The following NPHP4 variants were observed in gnomAD, a reference collection of about 807,000 sequenced individuals.
NPHP4 encodes the protein nephrocystin-4.
In NPHP4, 151 loss-of-function variants were observed where a neutral mutation model predicts 155.8. That is an observed-to-expected ratio of 0.97 (90% CI 0.85 to 1.11). The LOEUF is 1.11. NPHP4 is among the 50% of genes least tolerant of loss of function. NPHP4 has a pLI of 0.00. For synonymous variants in NPHP4, 845 were observed against 816.8 expected (o/e 1.03, Z -0.59); for missense variants, 1,956 against 1,925.7 (o/e 1.02, Z -0.29).
intron 18 of NPHP4, among the ~76,000 whole-genome samples, chr1:5,885,838 C>T (rs948435290): frequency 4.6e-5 from 7 of 152,096 alleles, no homozygotes; most frequent in Admixed American, 3.9e-4. Context: ...TTCCAAAAAA[C>T]GCAGAACTGA....
rs371819898 is a variant in NPHP4, at chr1:5,927,714, G to A, written c.1376C>T (p.Thr459Met). Reference sequence around the variant, plus strand: ...CACTTTGGGGCCACTGACAGGCTCCGTGGGTGCATCCAGGTGTTCTTCTGA... The same window carrying A: ...CACTTTGGGGCCACTGACAGGCTCCATGGGTGCATCCAGGTGTTCTTCTGA... ...LGSEEHLDAP[T>M]EPVSGPKVER... The change falls in exon 11 of 30, where the codon ACG becomes ATG. Residue 459 changes from threonine (T) to methionine (M), a missense_variant. Physicochemically the swap from Thr to Met is moderately conservative, Grantham distance 81. Transcript: ENST00000378156. The A allele has an allele frequency of 1.7e-5, 28 of 1,613,410 alleles. No homozygotes were observed. The highest frequency in any genetic ancestry group is 1.6e-4 in the Middle Eastern group (1 of 6,084).
In NPHP4 at chr1:5,948,182, C is replaced by A; in HGVS notation, c.880G>T (p.Gly294Cys). ...TGCGGCCTCTGCACGAAGCCCAGAC[C>A]ATTGTGCACGCCCACACGCAGGCGC... ...ERRLRVGVHN[G>C]LGFVQRPQVV... Residue 294 changes from glycine (G) to cysteine (C), a missense_variant, in exon 8 of 30, where the codon GGT (glycine) becomes TGT (cysteine). Physicochemically the swap from Gly to Cys is radical, Grantham distance 159. Coordinates refer to ENST00000378156, the MANE Select transcript of NPHP4 (RefSeq NM_015102.5). 6.2e-7 allele frequency: 1 copy of A among 1,612,282 alleles called. No individual in the cohort carries two copies. The highest frequency in any genetic ancestry group is 8.5e-7 in the Non-Finnish European group (1 of 1,179,524).
In NPHP4 at chr1:5,877,357, G is replaced by GA. The variant is rs1642725858; in HGVS notation, c.2612-60dup. 5 of 1,449,632 alleles carry GA rather than the reference G, an allele frequency of 3.4e-6. No individual in the cohort carries two copies. The South Asian group carries it at 6.7e-5, about 20-fold the overall frequency. The allele number at this position is 1,449,632 out of a possible 1,614,324, so 89.8% of individuals were successfully genotyped here. A position where few individuals can be genotyped will look rare whatever the true frequency, so the allele number is the denominator to read the frequency against. ...GTGCAGTGTCTGCCTTCCAGGAGCAGACACCAGGGCAGGCCTCCCAGGACC... is the reference window on the plus strand; with the variant it reads ...GTGCAGTGTCTGCCTTCCAGGAGCAGAACACCAGGGCAGGCCTCCCAGGACC... On this transcript the variant is annotated intron_variant, in intron 19 of 29. Transcript: ENST00000378156.
intron 5 of NPHP4, among the ~76,000 whole-genome samples, chr1:5,966,429 T>G (rs1651512778): frequency 6.6e-6 from 1 of 152,088 alleles, no homozygotes; most frequent in African/African-American, 2.4e-5. Flanking sequence ...GTATTTTTTA[T>G]AGAGACAGGT....
intron 3 of NPHP4, among the ~76,000 whole-genome samples, chr1:5,975,707 T>A (rs1455428905): frequency 1.3e-5 from 2 of 152,188 alleles, no homozygotes; most frequent in Non-Finnish European, 2.9e-5. Flanking sequence ...CACATCTGAA[T>A]TGTGAACTGC....
At chr1:5,924,440 G>A (rs1299390185) in intron 11 of NPHP4, among the ~76,000 whole-genome samples, 7 of 152,074 alleles carry the variant, frequency 4.6e-5, no homozygotes, top group Non-Finnish European at 8.8e-5. Context: ...GGCAAGCAGA[G>A]GCAGTGGCAG....
In NPHP4 at chr1:5,865,171, G is replaced by GGACA; in HGVS notation, c.3743_3746dup (p.Leu1250ValfsTer49). The GGACA allele has an allele frequency of 6.2e-7, 1 of 1,613,190 alleles. No homozygotes were observed. Among genetic ancestry groups the GGACA allele is most frequent in the South Asian group, 1.1e-5 (1 of 91,068 alleles). ...CTGTCTGTGTCCCCCGAAGGACAAG[G>GGACA]GACAGGCGGGTCAGCTGGCCTGCGA... On this transcript the variant is annotated frameshift_variant, in exon 27 of 30. Coordinates refer to ENST00000378156, the MANE Select transcript of NPHP4 (RefSeq NM_015102.5). LOFTEE classifies it high-confidence loss of function.
At chr1:5,964,768 C>T (rs1432594447) in intron 5 of NPHP4, among the ~76,000 whole-genome samples, 2 of 151,114 alleles carry the variant, frequency 1.3e-5, no homozygotes, top group African/African-American at 4.9e-5. Flanking sequence ...AGTGACAGAT[C>T]CACAAGAACC....
At position 5,986,293 on chromosome 1, in the gene NPHP4, G is replaced by A; in HGVS notation, c.-4C>T. On this transcript the variant is annotated 5_prime_UTR_variant, in exon 2 of 30. Transcript: ENST00000378156. ...AGATCCTGTGCCAGTCGTTCATCCT[G>A]CCCGCCTGAGGGTCCCGTGGGCTTC... The A allele has an allele frequency of 6.2e-7, 1 of 1,613,220 alleles. No individual in the cohort carries two copies. The highest frequency in any genetic ancestry group is 8.5e-7 in the Non-Finnish European group (1 of 1,179,582).
In NPHP4 at chr1:5,927,713, C is replaced by T. The variant is rs769077319; in HGVS notation, c.1377G>A (p.Thr459=). The change falls in exon 11 of 30, where the codon ACG becomes ACA. Residue 459 remains threonine, a synonymous_variant. Coordinates refer to ENST00000378156, the MANE Select transcript of NPHP4 (RefSeq NM_015102.5). The stretch of plus-strand genomic sequence containing the variant: ...CCACTTTGGGGCCACTGACAGGCTC[C>T]GTGGGTGCATCCAGGTGTTCTTCTG... ...LGSEEHLDAP[T]EPVSGPKVER... 1.2e-5 allele frequency: 20 copies of T among 1,613,406 alleles called. No homozygotes were observed. Among genetic ancestry groups the T allele is most frequent in the Middle Eastern group, 1.6e-4 (1 of 6,084 alleles).
rs1641224087 is a variant in NPHP4 at position 5,866,358 on chromosome 1, A to T, written c.3644+15T>A. On this transcript the variant is annotated intron_variant, in intron 26 of 29. Transcript: ENST00000378156. Reference sequence around the variant, plus strand: ...TCCGCCACCGCCTCCAGGTCCCCAAAGCCTGTGCACTTACGAGTAAATGAT... The same window carrying T: ...TCCGCCACCGCCTCCAGGTCCCCAATGCCTGTGCACTTACGAGTAAATGAT... 1 of 1,568,242 alleles carries T rather than the reference A, an allele frequency of 6.4e-7. No individual in the cohort carries two copies. The highest frequency in any genetic ancestry group is 8.7e-7 in the Non-Finnish European group (1 of 1,144,008).
rs762383978 is a variant in NPHP4, at chr1:5,978,275, T to G, written c.274A>C (p.Asn92His). Residue 92 changes from asparagine (N) to histidine (H), a missense_variant, in exon 3 of 30, where the codon AAT (asparagine) becomes CAT (histidine). Transcript: ENST00000378156. ...CCACCATCACCAGGGCCCACCTCAT[T>G]AAAGACGATCCTGGACGGCGGTCTC... is the stretch of plus-strand genomic sequence containing the variant. ...TKRPPSRIVF[N>H]EPLYFHTSLN... is the part of the protein sequence containing the mutation. 6.2e-7 allele frequency: 1 copy of G among 1,606,006 alleles called. No individual in the cohort carries two copies.
At chr1:5,955,456 T>C (rs1384548491) in intron 6 of NPHP4, among the ~76,000 whole-genome samples, 1 of 152,254 alleles carries the variant, frequency 6.6e-6, no homozygotes, top group Non-Finnish European at 1.5e-5. Flanking sequence ...GCAGCACTAT[T>C]CACAACAGTG....
rs2100454004 is a variant in NPHP4 at position 5,867,190 on chromosome 1, C to T, written c.3473-75G>A. 9.0e-7 allele frequency: 1 copy of T among 1,114,306 alleles called. No individual in the cohort carries two copies. Among genetic ancestry groups the T allele is most frequent in the African/African-American group, 1.5e-5 (1 of 64,748 alleles). The allele number at this position is 1,114,306 out of a possible 1,614,324, so 69.0% of individuals were successfully genotyped here. A position where few individuals can be genotyped will look rare whatever the true frequency, so the allele number is the denominator to read the frequency against. On this transcript the variant is annotated intron_variant, in intron 24 of 29. Transcript: ENST00000378156. The surrounding 1 kb of genome is among the most constrained non-coding windows in gnomAD (Gnocchi z 4.1). ...TGTGGAGAAGGCCCCACACATTACA[C>T]ACTATAGGACAGGACAGGCTCGTCA...
At chr1:5,925,425 A>C (rs147083055) in intron 11 of NPHP4, among the ~76,000 whole-genome samples, 1 of 152,234 alleles carries the variant, frequency 6.6e-6, no homozygotes, top group African/African-American at 2.4e-5. Flanking sequence ...ATACCGAGGG[A>C]TAACTCTAAT....
At chr1:5,956,278 C>G (rs1171739160) in intron 6 of NPHP4, among the ~76,000 whole-genome samples, 11 of 152,236 alleles carry the variant, frequency 7.2e-5, no homozygotes, top group Admixed American at 6.5e-4. Flanking sequence ...GAAAGAGGTT[C>G]TGTGTGGCCA....
chr1:5,887,284 A>G lies in NPHP4; in HGVS notation c.2485+2T>C, dbSNP rs1396528227. ...AAATGGCACAAGGCTGGGGACTCTTACCCACGTTGGCCAAAGTCAGGTGCA... is the reference window on the plus strand; with the variant it reads ...AAATGGCACAAGGCTGGGGACTCTTGCCCACGTTGGCCAAAGTCAGGTGCA... On this transcript the variant is annotated splice_donor_variant, in intron 18 of 29. Transcript: ENST00000378156. LOFTEE classifies it high-confidence loss of function. 1.2e-6 allele frequency: 2 copies of G among 1,611,428 alleles called. No individual in the cohort carries two copies. Among genetic ancestry groups the G allele is most frequent in the Admixed American group, 3.3e-5 (2 of 59,762 alleles).
intron 23 of NPHP4, 190 bp from the exon 24 acceptor site, chr1:5,868,086 G>A: frequency 2.7e-6 from 2 of 729,418 alleles, no homozygotes; most frequent in Non-Finnish European, 5.0e-6. Flanking sequence ...CACCAGGAGG[G>A]GACCGCTAAG....
Position 5,905,361 on chromosome 1 carries a change from T to G in NPHP4, c.1886A>C (p.Asn629Thr). ...AVSATEPVTF[N>T]PQKEESDCLQ... ...ACAATCTGATTCTTCCTTCTGAGGGTTAAACGTCACAGGTTCTGTAGCGCT... is the reference window on the plus strand; with the variant it reads ...ACAATCTGATTCTTCCTTCTGAGGGGTAAACGTCACAGGTTCTGTAGCGCT... Residue 629 changes from asparagine to threonine, a missense_variant, in exon 15 of 30, where the codon AAC becomes ACC. Transcript: ENST00000378156. This position sits in a 1 kb window ranked among gnomAD's most constrained non-coding sequence, Gnocchi z 4.0. 6.2e-7 allele frequency: 1 copy of G among 1,613,914 alleles called. No homozygotes were observed. The highest frequency in any genetic ancestry group is 1.1e-5 in the South Asian group (1 of 91,066).
Sources: gnomAD v4.1 joint callset for allele counts (sites outside exome capture counted in the v4.1 genomes callset) on GRCh38, gnomAD v4.1.1 for gene constraint, Gnocchi (gnomAD v3.1) non-coding constraint, MANE v1.5 for transcripts, NCBI Gene and HGNC (gene_info 2026-07-23, HGNC 2026-07-21) for gene names.